The following FAF2 variants were observed in gnomAD, a reference collection of about 807,000 sequenced individuals.
FAF2 encodes Fas associated factor family member 2.
Under a neutral mutation model 62.3 loss-of-function variants are expected in FAF2, and 9 were observed. That is an observed-to-expected ratio of 0.14 (90% CI 0.09 to 0.25). The LOEUF (loss-of-function observed/expected upper bound fraction) is 0.25, where lower values mean the gene tolerates loss of function less well. FAF2 is among the 10% of genes least tolerant of loss of function. FAF2 has a pLI of 1.00. For synonymous variants in FAF2, 202 were observed against 198.0 expected, an observed-to-expected ratio of 1.02 and a Z score of -0.17; for missense variants, 368 against 556.2, an observed-to-expected ratio of 0.66 and a Z score of 3.40.
chr5:176,499,008 C>T lies in FAF2; in HGVS notation c.934C>T (p.Arg312Trp), dbSNP rs777778262. The change falls in exon 9 of 11, where the codon CGG becomes TGG. Residue 312 changes from arginine (R) to tryptophan (W), a missense_variant. Around this residue, in one of 2 missense-constraint regions of FAF2, gnomAD observed 331 missense variants for 441.9 expected, o/e 0.75. Coordinates refer to ENST00000261942, the MANE Select transcript of FAF2 (RefSeq NM_014613.3). ...RADQEKERKK[R>W]EERERKRRKE... ...TGACCAGGAGAAAGAAAGAAAGAAA[C>T]GGGAGGAGCGGGAGCGTAAGCGGCG... 11 of 1,612,984 alleles carry T rather than the reference C, an allele frequency of 6.8e-6. No homozygotes were observed. The highest frequency in any genetic ancestry group is 3.3e-5 in the South Asian group (3 of 90,984).
At chr5:176,449,430 C>A (rs1050971184) in intron 1 of FAF2, among the ~76,000 whole-genome samples, 2 of 152,170 alleles carry the variant, frequency 1.3e-5, no homozygotes, top group African/African-American at 4.8e-5. Context: ...CAAATATTAG[C>A]CGGGCGTGGT....
chr5:176,475,808 C>T (rs1758678980), intron 1 of FAF2, among the ~76,000 whole-genome samples: 1 of 152,098 alleles, frequency 6.6e-6, no homozygotes. Context: ...CCACGGATTT[C>T]CCAGCTCGGC....
rs530083809 is a variant in FAF2, at chr5:176,477,396, A to G, written c.64-1792A>G. On this transcript the variant is annotated intron_variant, in intron 1 of 10. Coordinates refer to ENST00000261942, the MANE Select transcript of FAF2 (RefSeq NM_014613.3). Reference sequence around the variant, plus strand: ...GCCACCATGCCTGGCCTAGAGTCCAATTCTTAAAGAGAATCCACAGCGAGA... The same window carrying G: ...GCCACCATGCCTGGCCTAGAGTCCAGTTCTTAAAGAGAATCCACAGCGAGA... 1.9e-3 allele frequency among the ~76,000 whole-genome samples: 293 copies of G among 152,084 alleles called. 1 individual carries two copies. The highest frequency in any genetic ancestry group is 6.9e-3 in the African/African-American group (285 of 41,506).
chr5:176,485,252 G>T (rs929834161), intron 2 of FAF2, among the ~76,000 whole-genome samples: 2 of 152,208 alleles, frequency 1.3e-5, no homozygotes, highest in Non-Finnish European at 2.9e-5. Context: ...TGCTTCCAGA[G>T]AATTTATTAG....
At position 176,467,632 on chromosome 5, in the gene FAF2, A is replaced by G. The variant is rs115394494; in HGVS notation, c.64-11556A>G. ...CAGATGTCAGTAGATCTTAATGTAA[A>G]CCAGAGTTCTAAAGAGCATGCCAGT... is the stretch of plus-strand genomic sequence containing the variant. On this transcript the variant is annotated intron_variant, in intron 1 of 10. Coordinates refer to ENST00000261942, the MANE Select transcript of FAF2 (RefSeq NM_014613.3). 4.7e-3 allele frequency among the ~76,000 whole-genome samples: 713 copies of G among 152,322 alleles called. 8 individuals carry two copies. Among genetic ancestry groups the G allele is most frequent in the African/African-American group, 0.016 (674 of 41,580 alleles).
At chr5:176,456,609 G>A (rs1437220563) in intron 1 of FAF2, among the ~76,000 whole-genome samples, 2 of 152,152 alleles carry the variant, frequency 1.3e-5, no homozygotes, top group Non-Finnish European at 2.9e-5. Flanking sequence ...AATTACGGGT[G>A]TGAGCCACTG....
intron 1 of FAF2, 67 bp from the exon 2 acceptor site, chr5:176,479,121 C>T (rs527292479): frequency 2.6e-5 from 32 of 1,237,854 alleles, no homozygotes; most frequent in East Asian, 4.6e-5. Context: ...CAGTATATGG[C>T]GTAAAAATAC....
intron 1 of FAF2, among the ~76,000 whole-genome samples, chr5:176,473,040 C>T (rs1172824887): frequency 6.6e-6 from 1 of 152,154 alleles, no homozygotes; most frequent in African/African-American, 2.4e-5. Context: ...CTTATTAACA[C>T]CTTGCATTAT....
intron 1 of FAF2, among the ~76,000 whole-genome samples, chr5:176,474,322 G>A (rs566141426): frequency 6.6e-6 from 1 of 152,262 alleles, no homozygotes; most frequent in East Asian, 1.9e-4. Flanking sequence ...GGATACATAT[G>A]CAGATATAGT....
chr5:176,477,010 A>G (rs1015040866), intron 1 of FAF2, among the ~76,000 whole-genome samples: 21 of 150,066 alleles, frequency 1.4e-4, no homozygotes, highest in East Asian at 3.9e-4. Context: ...GGGTTTCACC[A>G]TGTTAGCCAG....
rs1755727653 is a variant in FAF2, at chr5:176,508,668, G to T, written c.*1718G>T. ...TTAATTCTGTCCCTGGCCAGCTATT[G>T]TTCTTCCACTTCGTTTTCTGCTGTC... On this transcript the variant is annotated 3_prime_UTR_variant, in exon 11 of 11. Transcript: ENST00000261942. The T allele has an allele frequency of 6.6e-6, 1 of 152,164 alleles. No homozygotes were observed. Among genetic ancestry groups the T allele is most frequent in the African/African-American group, 2.4e-5 (1 of 41,428 alleles). 9.4% of individuals were successfully genotyped at this position (152,164 alleles called of 1,614,324 possible). A position where few individuals can be genotyped will look rare whatever the true frequency, so the allele number is the denominator to read the frequency against.
At chr5:176,465,499 C>T (rs1758452094) in intron 1 of FAF2, among the ~76,000 whole-genome samples, 2 of 151,264 alleles carry the variant, frequency 1.3e-5, no homozygotes, top group South Asian at 4.2e-4. Context: ...TCTTGAGTAG[C>T]TGAGATTGCA....
At chr5:176,495,418 T>A (rs534886489) in intron 7 of FAF2, among the ~76,000 whole-genome samples, 15 of 152,226 alleles carry the variant, frequency 9.9e-5, no homozygotes, top group Admixed American at 5.2e-4. Flanking sequence ...GATTTTTTTT[T>A]AATAGAAGTT....
At chr5:176,489,606 C>T (rs1047448885) in intron 4 of FAF2, among the ~76,000 whole-genome samples, 17 of 152,140 alleles carry the variant, frequency 1.1e-4, no homozygotes, top group East Asian at 5.8e-4. Context: ...GCCACCATCT[C>T]GACTCACTGC....
chr5:176,479,588 C>G (rs901027954), intron 2 of FAF2, among the ~76,000 whole-genome samples: 2 of 152,078 alleles, frequency 1.3e-5, no homozygotes, highest in African/African-American at 4.8e-5. Context: ...TTGGGGTTGT[C>G]TAGGTAGTCA....
Position 176,492,207 on chromosome 5 carries a change from T to G in FAF2, c.358T>G (p.Phe120Val). 1.9e-6 allele frequency: 3 copies of G among 1,614,180 alleles called. No homozygotes were observed. The highest frequency in any genetic ancestry group is 2.2e-5 in the South Asian group (2 of 91,070). ...CTTCCTCCCCAGGTTTGCTCTTCGTTTTATACGGCCTGACCCTCGCAGCCG... is the reference window on the plus strand; with the variant it reads ...CTTCCTCCCCAGGTTTGCTCTTCGTGTTATACGGCCTGACCCTCGCAGCCG... ...ILDIFRFALR[F>V]IRPDPRSRVT... The change falls in exon 5 of 11, where the codon TTT (phenylalanine) becomes GTT (valine). Residue 120 changes from phenylalanine to valine, a missense_variant. Physicochemically the swap from Phe to Val is conservative, Grantham distance 50. This residue lies in a region of FAF2 where 331 missense variants were observed against 441.9 expected (regional missense o/e 0.75). Transcript: ENST00000261942.
chr5:176,479,956 A>G (rs1758761999), intron 2 of FAF2, among the ~76,000 whole-genome samples: 1 of 152,074 alleles, frequency 6.6e-6, no homozygotes, highest in Non-Finnish European at 1.5e-5. Context: ...CAGCCTTCCA[A>G]AGTGCTGGGA....
chr5:176,508,177 T>G lies in FAF2; in HGVS notation c.*1227T>G, dbSNP rs1395908595. The G allele has an allele frequency of 6.6e-6, 1 of 152,616 alleles. No individual in the cohort carries two copies. Among genetic ancestry groups the G allele is most frequent in the African/African-American group, 2.4e-5 (1 of 41,440 alleles). 9.5% of individuals were successfully genotyped at this position (152,616 alleles called of 1,614,324 possible). A position where few individuals can be genotyped will look rare whatever the true frequency, so the allele number is the denominator to read the frequency against. On this transcript the variant is annotated 3_prime_UTR_variant, in exon 11 of 11. Transcript: ENST00000261942. ...GGAGGCAGCTTTTATCCTTTCTCTCTATTGCTATGTTGAAGTAATAGGGTT... is the reference window on the plus strand; with the variant it reads ...GGAGGCAGCTTTTATCCTTTCTCTCGATTGCTATGTTGAAGTAATAGGGTT...
intron 1 of FAF2, among the ~76,000 whole-genome samples, chr5:176,474,550 G>A (rs917637742): frequency 1.3e-5 from 2 of 152,150 alleles, no homozygotes; most frequent in African/African-American, 2.4e-5. Flanking sequence ...TCTCTTAAAT[G>A]ATTTTTTAAA....
Sources: allele counts gnomAD v4.1 joint callset (sites outside exome capture counted in the v4.1 genomes callset), GRCh38; gene constraint gnomAD v4.1.1; regional missense constraint gnomAD v4.1.1; transcripts MANE v1.5; gene names NCBI Gene and HGNC (gene_info 2026-07-23, HGNC 2026-07-21).